Variants in AP3D1 observed in about 807,000 individuals in gnomAD.
AP3D1 encodes AP-3 complex subunit delta-1.
A neutral mutation model predicts 147.6 loss-of-function variants in AP3D1; 51 were observed. The observed-to-expected ratio is 0.35, with a 90% CI of 0.28 to 0.44. The LOEUF (loss-of-function observed/expected upper bound fraction) is 0.44. Ranked by LOEUF, AP3D1 falls within the 20% of genes least tolerant of loss-of-function variation. The pLI is 1.00. For missense variants in AP3D1, 1,421 were observed against 1,624.2 expected (o/e 0.87, Z 2.15); for synonymous variants, 760 against 663.0 (o/e 1.15, Z -2.25).
chr19:2,155,607 AT>A (rs917640474), upstream of AP3D1, among the ~76,000 whole-genome samples: 1 of 149,202 alleles, frequency 6.7e-6, no homozygotes, highest in African/African-American at 2.5e-5. Context: ...CTTTTCCCCT[AT>A]TTTCCAACAC....
Position 2,116,516 on chromosome 19 carries a change from G to A in AP3D1, c.2001+89C>T. On this transcript the variant is annotated intron_variant, in intron 17 of 31. Transcript: ENST00000643116. ...GCCTCCACTGCCAGGGTCAGGGCCA[G>A]GACCCACAGAGGCCGCTGACCTGCC... is the stretch of plus-strand genomic sequence containing the variant. The A allele has an allele frequency of 2.8e-6, 4 of 1,445,750 alleles. No individual in the cohort carries two copies. The South Asian group carries it at 4.3e-5, about 16-fold the overall frequency. The allele number at this position is 1,445,750 out of a possible 1,614,324, so 89.6% of individuals were successfully genotyped here.
intron 1 of AP3D1, among the ~76,000 whole-genome samples, chr19:2,145,029 T>A (rs1490959012): frequency 6.6e-6 from 1 of 152,180 alleles, no homozygotes; most frequent in Non-Finnish European, 1.5e-5. Flanking sequence ...TCACTGCACG[T>A]TTGTAAATAT....
rs767344864 is a variant in AP3D1, at chr19:2,130,550, G to C, written c.463-13C>G. 1.9e-6 allele frequency: 3 copies of C among 1,613,526 alleles called. No individual in the cohort carries two copies. Among genetic ancestry groups the C allele is most frequent in the Non-Finnish European group, 2.5e-6 (3 of 1,179,692 alleles). On this transcript the variant is annotated splice_polypyrimidine_tract_variant and intron_variant, in intron 5 of 31. Coordinates refer to ENST00000643116, the MANE Select transcript of AP3D1 (RefSeq NM_001261826.3). Reference sequence around the variant, plus strand: ...TGGTGTGTGACATCTGCGGGGCAGCGGGCTTCAGCCTGCGCGGGCTTTCTG... The same window carrying C: ...TGGTGTGTGACATCTGCGGGGCAGCCGGCTTCAGCCTGCGCGGGCTTTCTG...
chr19:2,142,895 G>T (rs1281230856), intron 1 of AP3D1, among the ~76,000 whole-genome samples: 1 of 152,004 alleles, frequency 6.6e-6, no homozygotes, highest in Non-Finnish European at 1.5e-5. Context: ...CTCCCAAGTA[G>T]CTGGGATTAC....
At chr19:2,116,982 A>T in intron 16 of AP3D1, 3 of 790,984 alleles carry the variant, frequency 3.8e-6, no homozygotes, top group Non-Finnish European at 5.7e-6. Flanking sequence ...GCTGCCTCAG[A>T]GCTTTATGGC....
At chr19:2,163,320 C>T (rs1386881028) in intron 1 of AP3D1, among the ~76,000 whole-genome samples, 3 of 151,864 alleles carry the variant, frequency 2.0e-5, no homozygotes, top group South Asian at 2.1e-4. Flanking sequence ...GTGATCTTCC[C>T]GCCTCGGCCT....
rs367976916 is a variant in AP3D1, at chr19:2,128,481, G to A, written c.806+609C>T. On this transcript the variant is annotated intron_variant, in intron 8 of 31. Transcript: ENST00000643116. The stretch of plus-strand genomic sequence containing the variant: ...GGAGCCGGCCCGCCCCCGCCGCTCC[G>A]ACACTGCACCCCGTGGAGCCGGCCC... 1.6e-3 allele frequency among the ~76,000 whole-genome samples: 155 copies of A among 99,450 alleles called. 1 individual carries two copies. The highest frequency in any genetic ancestry group is 7.8e-3 in the East Asian group (26 of 3,320). The allele number at this position is 99,450 out of a possible 152,430, so 65.2% of individuals were successfully genotyped here.
In AP3D1 at chr19:2,138,625, C is replaced by G. The variant is rs774832553; in HGVS notation, c.186G>C (p.Leu62=). Residue 62 remains leucine (L), a synonymous_variant, in exon 2 of 32, where the codon CTG becomes CTC. Transcript: ENST00000643116. ...GCCACTGGGAGGCACTTACATACGT[C>G]AGCTTGCAGACCGCGTTCGCCTTCA... ...IAVKANAVCK[L]TYLQMLGYDI... 1 of 1,613,866 alleles carries G rather than the reference C, an allele frequency of 6.2e-7. No individual in the cohort carries two copies.
In AP3D1 at chr19:2,131,430, C is replaced by T. The variant is rs572377818; in HGVS notation, c.463-893G>A. 2.9e-3 allele frequency among the ~76,000 whole-genome samples: 438 copies of T among 149,350 alleles called. 4 individuals are homozygous for T. Among genetic ancestry groups the T allele is most frequent in the African/African-American group, 9.8e-3 (393 of 40,142 alleles). On this transcript the variant is annotated intron_variant, in intron 5 of 31. Coordinates refer to ENST00000643116, the MANE Select transcript of AP3D1 (RefSeq NM_001261826.3). ...CGCCCATCGGCCACGATCTAGACAC[C>T]GGGTGGACAGGCAGCCACGAGGGGA...
intron 12 of AP3D1, 23 bp downstream of exon 12, chr19:2,121,711 G>A (rs1437842158): frequency 1.3e-6 from 2 of 1,553,378 alleles, no homozygotes; most frequent in South Asian, 1.2e-5. Context: ...CAGGCGGGCG[G>A]GCGGCGGACA....
intron 1 of AP3D1, among the ~76,000 whole-genome samples, chr19:2,156,717 C>T (rs1259336659): frequency 2.6e-5 from 4 of 151,970 alleles, no homozygotes; most frequent in Admixed American, 1.3e-4. Context: ...GGCTTGGTGG[C>T]GGGTGCCTGT....
At chr19:2,120,134 C>T (rs1302384953) in intron 14 of AP3D1, among the ~76,000 whole-genome samples, 2 of 152,096 alleles carry the variant, frequency 1.3e-5, no homozygotes, top group Non-Finnish European at 2.9e-5. Flanking sequence ...TGGGGCCGGG[C>T]CCGAGGCAGT....
At chr19:2,116,849 C>G in intron 16 of AP3D1, 103 bp from the exon 17 acceptor site, 1 of 1,407,270 alleles carries the variant, frequency 7.1e-7, no homozygotes, top group Non-Finnish European at 9.4e-7. Context: ...ATGTGATATC[C>G]CAAACAGTGG....
At chr19:2,126,513 G>C (rs1429252165) in intron 9 of AP3D1, among the ~76,000 whole-genome samples, 1 of 152,002 alleles carries the variant, frequency 6.6e-6, no homozygotes, top group African/African-American at 2.4e-5. Flanking sequence ...AATTAGCCAG[G>C]CGTGGTGGCG....
rs367661463 is a variant in AP3D1 at position 2,164,274 on chromosome 19, C to G, written c.-103+82G>C. ...GGCCGCTGCCGGTCTACGTGAGTGC[C>G]GCCCTCCACCGTCCCTACCTCCCGG... On this transcript the variant is annotated intron_variant, in intron 1 of 14. Transcript: ENST00000643010. The G allele has an allele frequency of 2.6e-4, 332 of 1,261,432 alleles. 2 individuals are homozygous for G. In the African/African-American group the frequency reaches 4.6e-3, roughly 18 times the overall value. The allele number at this position is 1,261,432 out of a possible 1,614,324, so 78.1% of individuals were successfully genotyped here.
intron 9 of AP3D1, among the ~76,000 whole-genome samples, chr19:2,126,422 G>A (rs765471977): frequency 3.9e-5 from 6 of 152,150 alleles, no homozygotes; most frequent in African/African-American, 7.2e-5. Flanking sequence ...TTGGGAGGCC[G>A]AGGCAGGCGG....
chr19:2,144,162 T>C (rs1249396638), intron 1 of AP3D1, among the ~76,000 whole-genome samples: 2 of 151,574 alleles, frequency 1.3e-5, no homozygotes, highest in Non-Finnish European at 2.9e-5. Flanking sequence ...AAGTGGTCCA[T>C]CCTGCCCAGG....
chr19:2,155,381 C>CA (rs2019636827), upstream of AP3D1, among the ~76,000 whole-genome samples: 1 of 143,092 alleles, frequency 7.0e-6, no homozygotes, highest in Non-Finnish European at 1.5e-5. Context: ...CCAAAAAAAA[C>CA]AAAAAATTAG....
chr19:2,153,820 C>G (rs2019623609), upstream of AP3D1, among the ~76,000 whole-genome samples: 1 of 152,198 alleles, frequency 6.6e-6, no homozygotes, highest in East Asian at 1.9e-4. Flanking sequence ...TAGTGCTAAA[C>G]AGTTTCCGGG....
Sources: gnomAD v4.1 joint callset for allele counts (sites outside exome capture counted in the v4.1 genomes callset) on GRCh38, gnomAD v4.1.1 for gene constraint, MANE v1.5 for transcripts, NCBI Gene and HGNC (gene_info 2026-07-23, HGNC 2026-07-21) for gene names.